SLCO4C1: variants seen among roughly 807,000 people sequenced by gnomAD.
The protein encoded by SLCO4C1 is solute carrier organic anion transporter family member 4C1.
SLCO4C1 carries 58 observed loss-of-function variants against 72.1 expected under a neutral mutation model. The observed-to-expected ratio is 0.80, with a 90% CI of 0.65 to 1.00. The LOEUF (loss-of-function observed/expected upper bound fraction) is 1.00. SLCO4C1 is among the 50% of genes least tolerant of loss of function. The pLI, the probability that SLCO4C1 is intolerant of heterozygous loss-of-function variation, is 0.00. For missense variants in SLCO4C1, 898 were observed against 857.9 expected (o/e 1.05, Z -0.58); for synonymous variants, 297 against 312.5 (o/e 0.95, Z 0.52).
At chr5:102,273,253 A>T (rs1445863623) in intron 2 of SLCO4C1, among the ~76,000 whole-genome samples, 1 of 152,128 alleles carries the variant, frequency 6.6e-6, no homozygotes, top group Non-Finnish European at 1.5e-5. Context: ...ACATAGGTAT[A>T]ATCAACCAAA....
chr5:102,238,198 C>G (rs1748474205), intron 12 of SLCO4C1, among the ~76,000 whole-genome samples: 1 of 151,986 alleles, frequency 6.6e-6, no homozygotes, highest in African/African-American at 2.4e-5. Context: ...TGGGGGGATT[C>G]CCATTCATCA....
At chr5:102,287,962 A>C (rs1246825526) in intron 2 of SLCO4C1, among the ~76,000 whole-genome samples, 3 of 152,130 alleles carry the variant, frequency 2.0e-5, no homozygotes, top group African/African-American at 7.2e-5. Context: ...ATAAACACCT[A>C]CACATACCAC....
At chr5:102,269,490 G>A (rs1055193049) in intron 3 of SLCO4C1, among the ~76,000 whole-genome samples, 1 of 151,796 alleles carries the variant, frequency 6.6e-6, no homozygotes, top group African/African-American at 2.4e-5. Flanking sequence ...AACTACACTT[G>A]TAATTTCATT....
rs189550055 is a variant in SLCO4C1, at chr5:102,265,635, T to C, written c.803-1855A>G. Among the ~76,000 whole-genome samples the C allele has an allele frequency of 2.4e-3, 363 of 152,270 alleles. 2 individuals carry two copies. The highest frequency in any genetic ancestry group is 3.4e-3 in the Middle Eastern group (1 of 294). On this transcript the variant is annotated intron_variant, in intron 3 of 12. Coordinates refer to ENST00000310954, the MANE Select transcript of SLCO4C1 (RefSeq NM_180991.5). ...AGTTGGCCATAAATACATAGATTTATTTCTGAGTTCTCTATTCTGTTCCAT... is the reference window on the plus strand; with the variant it reads ...AGTTGGCCATAAATACATAGATTTACTTCTGAGTTCTCTATTCTGTTCCAT...
chr5:102,268,941 C>T (rs1749097312), intron 3 of SLCO4C1, among the ~76,000 whole-genome samples: 2 of 152,084 alleles, frequency 1.3e-5, no homozygotes, highest in African/African-American at 4.8e-5. Context: ...TCTTGACAGA[C>T]AGCTGTGTCC....
intron 10 of SLCO4C1, among the ~76,000 whole-genome samples, chr5:102,246,883 A>G (rs1376192080): frequency 1.3e-5 from 2 of 152,158 alleles, no homozygotes; most frequent in African/African-American, 4.8e-5. Context: ...TTAACGTCAC[A>G]GTGCCTAATG....
intron 1 of SLCO4C1, among the ~76,000 whole-genome samples, chr5:102,295,615 A>G (rs1402365104): frequency 1.3e-5 from 2 of 152,240 alleles, no homozygotes; most frequent in African/African-American, 4.8e-5. Context: ...GGTTCTTGTA[A>G]TCTTCCCTGT....
Position 102,236,951 on chromosome 5 carries a change from T to C in SLCO4C1, c.2082A>G (p.Pro694=), listed in dbSNP as rs1748447355. The C allele has an allele frequency of 1.2e-6, 2 of 1,612,726 alleles. No individual in the cohort carries two copies. The highest frequency in any genetic ancestry group is 1.7e-6 in the Non-Finnish European group (2 of 1,179,672). The change falls in exon 13 of 13, where the codon CCA becomes CCG. Residue 694 remains proline (P), a synonymous_variant. Coordinates refer to ENST00000310954, the MANE Select transcript of SLCO4C1 (RefSeq NM_180991.5). ...TATGAAATGACACATCTGTGGCTGA[T>C]GGAGGTGGTTTATACAAAAAGATTG... ...GFAIFLYKPP[P]SATDVSFHKE...
chr5:102,272,157 T>C (rs1218305850), intron 2 of SLCO4C1, among the ~76,000 whole-genome samples: 1 of 152,128 alleles, frequency 6.6e-6, no homozygotes, highest in Non-Finnish European at 1.5e-5. Flanking sequence ...GTAATATCTT[T>C]TAGTGGGAGA....
In SLCO4C1 at chr5:102,237,036, T is replaced by G. The variant is rs1217938787; in HGVS notation, c.2015-18A>C. On this transcript the variant is annotated intron_variant, in intron 12 of 12. Coordinates refer to ENST00000310954, the MANE Select transcript of SLCO4C1 (RefSeq NM_180991.5). ...AGTAACACCTAAGTGAAAAAAAAAA[T>G]TAATCATGTGCTTTTGTTTTTAATT... is the stretch of plus-strand genomic sequence containing the variant. 1 of 1,547,510 alleles carries G rather than the reference T, an allele frequency of 6.5e-7. No individual in the cohort carries two copies. The highest frequency in any genetic ancestry group is 1.4e-5 in the African/African-American group (1 of 71,802).
chr5:102,244,826 G>C (rs1748609017), intron 10 of SLCO4C1, among the ~76,000 whole-genome samples: 1 of 152,142 alleles, frequency 6.6e-6, no homozygotes, highest in Non-Finnish European at 1.5e-5. Flanking sequence ...GAGAAGTAAA[G>C]ACTTTCCCAA....
chr5:102,238,313 T>C (rs919694343), intron 12 of SLCO4C1, among the ~76,000 whole-genome samples: 1 of 152,166 alleles, frequency 6.6e-6, no homozygotes, highest in African/African-American at 2.4e-5. Context: ...TATGTAGCCA[T>C]GATTGTGGTA....
chr5:102,236,798 T>C lies in SLCO4C1; in HGVS notation c.*60A>G, dbSNP rs1748443801. 3 of 1,507,586 alleles carry C rather than the reference T, an allele frequency of 2.0e-6. No individual in the cohort carries two copies. Among genetic ancestry groups the C allele is most frequent in the East Asian group, 4.6e-5 (2 of 43,902 alleles). The allele number at this position is 1,507,586 out of a possible 1,614,324, so 93.4% of individuals were successfully genotyped here. A position where few individuals can be genotyped will look rare whatever the true frequency, so the allele number is the denominator to read the frequency against. On this transcript the variant is annotated 3_prime_UTR_variant, in exon 13 of 13. Coordinates refer to ENST00000310954, the MANE Select transcript of SLCO4C1 (RefSeq NM_180991.5). ...GATAGATAATCCTGCCATGGCAATG[T>C]GTGTTCTTAAAAATCGAGGTAAATT...
At chr5:102,283,248 A>G (rs1463762612) in intron 2 of SLCO4C1, among the ~76,000 whole-genome samples, 1 of 151,980 alleles carries the variant, frequency 6.6e-6, no homozygotes, top group Non-Finnish European at 1.5e-5. Flanking sequence ...CTCACCACAC[A>G]CCAGGCACTG....
intron 8 of SLCO4C1, among the ~76,000 whole-genome samples, chr5:102,250,200 G>C (rs558356487): frequency 6.6e-6 from 1 of 152,256 alleles, no homozygotes; most frequent in South Asian, 2.1e-4. Flanking sequence ...CCAGGATGCA[G>C]ACAATATTTT....
intron 8 of SLCO4C1, 72 bp downstream of exon 8, chr5:102,257,042 AG>A: frequency 8.2e-7 from 1 of 1,225,226 alleles, no homozygotes; most frequent in Non-Finnish European, 1.1e-6. Flanking sequence ...TCACCATTTA[AG>A]AAAACATATG....
chr5:102,274,927 T>C (rs571036505), intron 2 of SLCO4C1, among the ~76,000 whole-genome samples: 9 of 152,224 alleles, frequency 5.9e-5, no homozygotes, highest in African/African-American at 1.9e-4. Flanking sequence ...AGCTCAATCC[T>C]ACATTCCTCT....
intron 12 of SLCO4C1, among the ~76,000 whole-genome samples, chr5:102,238,642 A>G (rs995072372): frequency 9.2e-5 from 14 of 152,148 alleles, no homozygotes; most frequent in Non-Finnish European, 1.8e-4. Flanking sequence ...TTAGTTTCCT[A>G]GGTTATTATT....
At chr5:102,249,892 T>C in intron 8 of SLCO4C1, 104 bp from the exon 9 acceptor site, 1 of 1,128,072 alleles carries the variant, frequency 8.9e-7, no homozygotes, top group South Asian at 1.5e-5. Context: ...ATTCACTCAC[T>C]CAACACATAA....
Sources: allele counts gnomAD v4.1 joint callset (sites outside exome capture counted in the v4.1 genomes callset), GRCh38; gene constraint gnomAD v4.1.1; transcripts MANE v1.5; gene names NCBI Gene and HGNC (gene_info 2026-07-23, HGNC 2026-07-21).